The following JAZF1 variants were observed in gnomAD, a reference collection of about 807,000 sequenced individuals.
JAZF1 encodes the protein juxtaposed with another zinc finger protein 1.
In JAZF1, 8 loss-of-function variants were observed where a neutral mutation model predicts 26.4. The ratio of observed to expected loss-of-function variants is 0.30; its 90% CI spans 0.18 to 0.55. JAZF1 has a LOEUF of 0.55. JAZF1 is among the 20% of genes least tolerant of loss of function. The probability of loss-of-function intolerance (pLI) is 0.94; values close to 1 mark genes in which losing one functional copy is unlikely to be tolerated. For missense variants in JAZF1, 199 were observed against 322.0 expected (o/e 0.62, Z 2.92); for synonymous variants, 126 against 122.3 (o/e 1.03, Z -0.20).
chr7:27,951,551 C>T (rs2128354831), intron 2 of JAZF1, among the ~76,000 whole-genome samples: 1 of 152,280 alleles, frequency 6.6e-6, no homozygotes, highest in South Asian at 2.1e-4. Flanking sequence ...TTCAAGAATC[C>T]AGGTGTGTCC....
At chr7:27,892,594 T>C (rs1193591391) in intron 3 of JAZF1, among the ~76,000 whole-genome samples, 1 of 152,204 alleles carries the variant, frequency 6.6e-6, no homozygotes, top group Non-Finnish European at 1.5e-5. Flanking sequence ...TCATATTATA[T>C]GTGAATAAGT....
chr7:27,950,746 A>T (rs1281699145), intron 2 of JAZF1, among the ~76,000 whole-genome samples: 1 of 152,152 alleles, frequency 6.6e-6, no homozygotes, highest in African/African-American at 2.4e-5. Context: ...TATTTAGCCA[A>T]GTACATTGCC....
At chr7:28,036,684 A>G (rs1783300212) in intron 1 of JAZF1, among the ~76,000 whole-genome samples, 1 of 152,232 alleles carries the variant, frequency 6.6e-6, no homozygotes, top group Non-Finnish European at 1.5e-5. Context: ...AAGGAGGGAA[A>G]GCTACCTTCT....
chr7:27,853,144 G>A (rs1317877022), intron 3 of JAZF1, among the ~76,000 whole-genome samples: 1 of 151,988 alleles, frequency 6.6e-6, no homozygotes, highest in Admixed American at 6.5e-5. Context: ...TCAGTTTTGG[G>A]GTATCTACTG....
rs548381292 is a variant in JAZF1, at chr7:27,874,841, C to A, written c.385+20379G>T. 3.3e-5 allele frequency among the ~76,000 whole-genome samples: 5 copies of A among 152,284 alleles called. No homozygotes were observed. The East Asian group carries it at 7.7e-4, about 24-fold the overall frequency. The stretch of plus-strand genomic sequence containing the variant: ...TCAATAGCCTTTGGGATCATCAAGC[C>A]TGGCCCCAGAAAACAGAAAACAAAG... On this transcript the variant is annotated intron_variant, in intron 3 of 4. Transcript: ENST00000283928.
At chr7:28,006,779 T>A (rs1252266266) in intron 1 of JAZF1, among the ~76,000 whole-genome samples, 4 of 152,228 alleles carry the variant, frequency 2.6e-5, no homozygotes, top group Non-Finnish European at 5.9e-5. Context: ...AGAAATAACT[T>A]GTTTCATAGC....
chr7:27,947,973 A>G (rs530210175), intron 2 of JAZF1, among the ~76,000 whole-genome samples: 1 of 151,982 alleles, frequency 6.6e-6, no homozygotes, highest in East Asian at 1.9e-4. Context: ...TCTTACACTT[A>G]GGTCTTTTGG....
At chr7:28,161,388 C>T (rs1438061656) in intron 1 of JAZF1, among the ~76,000 whole-genome samples, 1 of 151,700 alleles carries the variant, frequency 6.6e-6, no homozygotes, top group Non-Finnish European at 1.5e-5. Context: ...AAGCCCAAAG[C>T]ACACATTTTA....
chr7:28,124,525 T>A (rs1490066937), intron 1 of JAZF1, among the ~76,000 whole-genome samples: 2 of 152,080 alleles, frequency 1.3e-5, no homozygotes, highest in South Asian at 2.1e-4. Flanking sequence ...ATTTGACCAA[T>A]AAGGACACTG....
chr7:28,127,171 GT>G (rs1782710157), intron 1 of JAZF1, among the ~76,000 whole-genome samples: 2 of 152,326 alleles, frequency 1.3e-5, no homozygotes. Context: ...AACCTTAAGA[GT>G]ACTGGGGCAA....
intron 1 of JAZF1, among the ~76,000 whole-genome samples, chr7:27,994,441 C>CAAAAAAAAA (rs781162884): frequency 1.3e-5 from 1 of 74,334 alleles, no homozygotes; most frequent in African/African-American, 3.3e-5. Context: ...CTCTCCATCA[C>CAAAAAAAAA]AAAAAAAAAA....
At chr7:28,144,617 G>T (rs543247597) in intron 1 of JAZF1, among the ~76,000 whole-genome samples, 2 of 152,178 alleles carry the variant, frequency 1.3e-5, no homozygotes, top group African/African-American at 2.4e-5. Flanking sequence ...AAGAGAAAAG[G>T]AAATAAAACC....
intron 1 of JAZF1, among the ~76,000 whole-genome samples, chr7:28,017,513 T>G (rs1348217855): frequency 1.3e-5 from 2 of 152,202 alleles, no homozygotes; most frequent in African/African-American, 4.8e-5. Flanking sequence ...ACAAAAAAAC[T>G]TATACAGCTG....
chr7:27,905,484 T>A (rs927467012), intron 2 of JAZF1, among the ~76,000 whole-genome samples: 7 of 151,284 alleles, frequency 4.6e-5, no homozygotes, highest in Non-Finnish European at 7.4e-5. Flanking sequence ...GGGGTAAGGA[T>A]AAAAAAAGAT....
chr7:28,069,826 A>G lies in JAZF1; in HGVS notation c.116-77845T>C, dbSNP rs775247211. On this transcript the variant is annotated intron_variant, in intron 1 of 4. Coordinates refer to ENST00000283928, the MANE Select transcript of JAZF1 (RefSeq NM_175061.4). The stretch of plus-strand genomic sequence containing the variant: ...TGCTGAGCGTTGAGCCGTGTTCTCA[A>G]AAACTCATGCCCCCAAGTTTGAACA... 9.9e-4 allele frequency among the ~76,000 whole-genome samples: 150 copies of G among 152,200 alleles called. 1 individual carries two copies. The highest frequency in any genetic ancestry group is 6.8e-3 in the Middle Eastern group (2 of 294).
At chr7:27,920,888 G>A (rs1292264250) in intron 2 of JAZF1, among the ~76,000 whole-genome samples, 1 of 152,328 alleles carries the variant, frequency 6.6e-6, no homozygotes, top group East Asian at 1.9e-4. Flanking sequence ...AAACACAGCT[G>A]TAGTAATGTT....
intron 1 of JAZF1, among the ~76,000 whole-genome samples, chr7:28,082,260 C>T (rs756694394): frequency 4.6e-5 from 7 of 152,082 alleles, no homozygotes; most frequent in African/African-American, 1.7e-4. Context: ...CGTGGGGAGG[C>T]GAGGATGTCA....
At chr7:28,064,042 G>T (rs1352092200) in intron 1 of JAZF1, among the ~76,000 whole-genome samples, 1 of 151,684 alleles carries the variant, frequency 6.6e-6, no homozygotes, top group African/African-American at 2.4e-5. Flanking sequence ...ATTCTAAAAG[G>T]TCACACCAGT....
chr7:28,010,204 G>C (rs1225416134), intron 1 of JAZF1, among the ~76,000 whole-genome samples: 2 of 152,174 alleles, frequency 1.3e-5, no homozygotes. Context: ...GTTAGGTTCA[G>C]AGAAAATCAG....
Sources: allele counts gnomAD v4.1 joint callset (sites outside exome capture counted in the v4.1 genomes callset), GRCh38; gene constraint gnomAD v4.1.1; transcripts MANE v1.5; gene names NCBI Gene and HGNC (gene_info 2026-07-23, HGNC 2026-07-21).